ADAM19: variants seen among roughly 807,000 people sequenced by gnomAD.
The protein encoded by ADAM19 is disintegrin and metalloproteinase domain-containing protein 19.
A neutral mutation model predicts 114.7 loss-of-function variants in ADAM19; 65 were observed. The observed-to-expected ratio is 0.57, with a 90% CI of 0.46 to 0.70. ADAM19 has a LOEUF of 0.70. ADAM19 is among the 30% of genes least tolerant of loss of function. The pLI is 0.00. For missense variants in ADAM19, 1,063 were observed against 1,204.7 expected (o/e 0.88, Z 1.74); for synonymous variants, 466 against 460.5 (o/e 1.01, Z -0.15).
At position 157,556,193 on chromosome 5, in the gene ADAM19, G is replaced by GA. The variant is rs1178763077; in HGVS notation, c.251+8179_251+8180insT. On this transcript the variant is annotated intron_variant, in intron 3 of 22. Transcript: ENST00000257527. ...TTTATCAGCAAGGTTTTTATAACCT[G>GA]TTTTTTTTTCTTTTTCTTTTTTTTT... 6.6e-3 allele frequency among the ~76,000 whole-genome samples: 627 copies of GA among 95,562 alleles called. 6 individuals carry two copies. The highest frequency in any genetic ancestry group is 0.023 in the African/African-American group (600 of 25,656). The allele number at this position is 95,562 out of a possible 152,430, so 62.7% of individuals were successfully genotyped here. A position where few individuals can be genotyped will look rare whatever the true frequency, so the allele number is the denominator to read the frequency against.
At chr5:157,520,153 C>T in intron 5 of ADAM19, 122 bp from the exon 6 acceptor site, 1 of 934,684 alleles carries the variant, frequency 1.1e-6, no homozygotes, top group Non-Finnish European at 1.6e-6. Flanking sequence ...GGTTCTTAAC[C>T]TAATTATGGG....
intron 5 of ADAM19, among the ~76,000 whole-genome samples, chr5:157,521,362 C>T (rs1756282532): frequency 6.6e-6 from 1 of 152,210 alleles, no homozygotes; most frequent in Non-Finnish European, 1.5e-5. Context: ...CTCAGGCAGG[C>T]TCTCATCCAT....
Position 157,479,172 on chromosome 5 carries a change from C to T in ADAM19, c.*1777G>A. On this transcript the variant is annotated 3_prime_UTR_variant, in exon 23 of 23. Coordinates refer to ENST00000257527, the MANE Select transcript of ADAM19 (RefSeq NM_033274.5). ...ACATGGGGAACCTGTATCACAGCCA[C>T]CCTGAGGGAAGAGAAACTCATTTTC... 3.0e-6 allele frequency: 3 copies of T among 985,896 alleles called. No individual in the cohort carries two copies. Among genetic ancestry groups the T allele is most frequent in the Non-Finnish European group, 3.6e-6 (3 of 829,960 alleles). 61.1% of individuals were successfully genotyped at this position (985,896 alleles called of 1,614,324 possible).
At chr5:157,487,744 TA>T (rs1228608891) in intron 21 of ADAM19, among the ~76,000 whole-genome samples, 3 of 152,182 alleles carry the variant, frequency 2.0e-5, no homozygotes, top group Non-Finnish European at 4.4e-5. Context: ...GATACATCCC[TA>T]AGACTTTCCA....
intron 15 of ADAM19, 111 bp downstream of exon 15, chr5:157,494,576 G>A (rs910935218): frequency 1.1e-5 from 9 of 795,594 alleles, no homozygotes; most frequent in East Asian, 8.0e-5. Flanking sequence ...ACTGATTGAC[G>A]TAAAGGTGCA....
chr5:157,531,228 T>A (rs1315244114), intron 4 of ADAM19, among the ~76,000 whole-genome samples: 2 of 152,192 alleles, frequency 1.3e-5, no homozygotes, highest in African/African-American at 4.8e-5. Flanking sequence ...GCCAAAAGCA[T>A]GCCATGGAAA....
At chr5:157,559,936 T>G (rs1757465823) in intron 3 of ADAM19, among the ~76,000 whole-genome samples, 1 of 152,162 alleles carries the variant, frequency 6.6e-6, no homozygotes, top group Non-Finnish European at 1.5e-5. Flanking sequence ...GGCAGAGACT[T>G]CTTTTGCATT....
At position 157,479,135 on chromosome 5, in the gene ADAM19, C is replaced by T. The variant is rs1754675997; in HGVS notation, c.*1814G>A. The T allele has an allele frequency of 1.0e-6, 1 of 985,758 alleles. No individual in the cohort carries two copies. The highest frequency in any genetic ancestry group is 1.7e-5 in the African/African-American group (1 of 57,214). The allele number at this position is 985,758 out of a possible 1,614,324, so 61.1% of individuals were successfully genotyped here. On this transcript the variant is annotated 3_prime_UTR_variant, in exon 23 of 23. Coordinates refer to ENST00000257527, the MANE Select transcript of ADAM19 (RefSeq NM_033274.5). The stretch of plus-strand genomic sequence containing the variant: ...CAAGGATGACCCACAGCAAGGATGA[C>T]CCACGGCAAGGACATGGGGAACCTG...
intron 4 of ADAM19, among the ~76,000 whole-genome samples, chr5:157,533,953 C>A (rs1192789665): frequency 6.6e-6 from 1 of 151,628 alleles, no homozygotes; most frequent in Non-Finnish European, 1.5e-5. Flanking sequence ...GGTGACCGAG[C>A]GAGACTCTGT....
At chr5:157,561,527 T>C (rs1757509018) in intron 3 of ADAM19, among the ~76,000 whole-genome samples, 1 of 152,162 alleles carries the variant, frequency 6.6e-6, no homozygotes, top group Non-Finnish European at 1.5e-5. Context: ...ATCCAGTGTA[T>C]GGGGAAATGT....
intron 13 of ADAM19, among the ~76,000 whole-genome samples, chr5:157,497,544 AGT>A (rs1755402359): frequency 6.6e-6 from 1 of 151,184 alleles, no homozygotes; most frequent in South Asian, 2.1e-4. Flanking sequence ...ACTCATAGTA[AGT>A]GGCAGAGGAG....
intron 4 of ADAM19, among the ~76,000 whole-genome samples, chr5:157,533,322 TGAGAG>T (rs1195883598): frequency 1.3e-5 from 2 of 152,244 alleles, no homozygotes; most frequent in Non-Finnish European, 1.5e-5. Context: ...ATGCCACCCT[TGAGAG>T]GAGCACAAAG....
rs141401179 is a variant in ADAM19 at position 157,487,529 on chromosome 5, C to T, written c.2550+736G>A. On this transcript the variant is annotated intron_variant, in intron 21 of 22. Transcript: ENST00000257527. Reference sequence around the variant, plus strand: ...GGCCAGTTCCAGAAGGCACCCCACCCGGCCGCCACCCAGGAAACACCTGTG... The same window carrying T: ...GGCCAGTTCCAGAAGGCACCCCACCTGGCCGCCACCCAGGAAACACCTGTG... Among the ~76,000 whole-genome samples, 671 of 152,336 alleles carry T rather than the reference C, an allele frequency of 4.4e-3. 6 individuals carry two copies. Among genetic ancestry groups the T allele is most frequent in the African/African-American group, 0.015 (615 of 41,560 alleles).
In ADAM19 at chr5:157,564,397, A is replaced by G; in HGVS notation, c.227T>C (p.Leu76Pro). 6.2e-7 allele frequency: 1 copy of G among 1,614,218 alleles called. No homozygotes were observed. The highest frequency in any genetic ancestry group is 8.5e-7 in the Non-Finnish European group (1 of 1,180,040). Residue 76 changes from leucine (L) to proline (P), a missense_variant, in exon 3 of 23, where the codon CTG becomes CCG. Leu to Pro is a moderately conservative substitution (Grantham distance 98). Around this residue, in one of 3 missense-constraint regions of ADAM19, gnomAD observed 615 missense variants for 706.3 expected, o/e 0.87. Coordinates refer to ENST00000257527, the MANE Select transcript of ADAM19 (RefSeq NM_033274.5). ...ELRVMAEGRELILDLEKNEQL... is the reference protein window; with the variant it reads ...ELRVMAEGREPILDLEKNEQL... ...CTCATTCTTCTCCAGGTCCAGGATC[A>G]GTTCTCGCCCCTCAGCCATTACCCT...
intron 5 of ADAM19, among the ~76,000 whole-genome samples, chr5:157,524,401 G>A (rs1210396741): frequency 1.3e-5 from 2 of 152,212 alleles, no homozygotes; most frequent in African/African-American, 4.8e-5. Flanking sequence ...ACCCGGGCAG[G>A]CCAGGCCAGG....
In ADAM19 at chr5:157,488,410, G is replaced by C. The variant is rs750671383; in HGVS notation, c.2405C>G (p.Ser802Cys). 1 of 1,613,974 alleles carries C rather than the reference G, an allele frequency of 6.2e-7. No individual in the cohort carries two copies. The highest frequency in any genetic ancestry group is 8.5e-7 in the Non-Finnish European group (1 of 1,179,934). The change falls in exon 21 of 23, where the codon TCC becomes TGC. Residue 802 changes from serine (S) to cysteine (C), a missense_variant. Ser to Cys is a moderately radical substitution (Grantham distance 112). Coordinates refer to ENST00000257527, the MANE Select transcript of ADAM19 (RefSeq NM_033274.5). ...GTGAGCTGGCAGTGGTGCAGGTGGGGACCCACCACGCAGATAATCTGGAGG... is the reference window on the plus strand; with the variant it reads ...GTGAGCTGGCAGTGGTGCAGGTGGGCACCCACCACGCAGATAATCTGGAGG... The part of the protein sequence containing the change: ...RPPPDYLRGG[S>C]PPAPLPAHLS...
At chr5:157,562,774 C>A (rs1214045353) in intron 3 of ADAM19, among the ~76,000 whole-genome samples, 2 of 152,198 alleles carry the variant, frequency 1.3e-5, no homozygotes, top group African/African-American at 4.8e-5. Context: ...AAGGCATCTT[C>A]CTGCTTTAGC....
intron 7 of ADAM19, among the ~76,000 whole-genome samples, chr5:157,514,441 C>T (rs953540253): frequency 2.0e-5 from 3 of 151,960 alleles, no homozygotes; most frequent in African/African-American, 7.3e-5. Flanking sequence ...ATTCTCCTGC[C>T]TCAGCCTCCT....
chr5:157,546,003 G>T (rs1178929313), intron 3 of ADAM19, among the ~76,000 whole-genome samples: 1 of 152,222 alleles, frequency 6.6e-6, no homozygotes, highest in East Asian at 1.9e-4. Flanking sequence ...AAGTCCACTT[G>T]CACCCTCCAC....
Sources: allele counts gnomAD v4.1 joint callset (sites outside exome capture counted in the v4.1 genomes callset), GRCh38; gene constraint gnomAD v4.1.1; regional missense constraint gnomAD v4.1.1; transcripts MANE v1.5; gene names NCBI Gene and HGNC (gene_info 2026-07-23, HGNC 2026-07-21).